The following PDXDC1 variants were observed in gnomAD, a reference collection of about 807,000 sequenced individuals.
The protein encoded by PDXDC1 is pyridoxal-dependent decarboxylase domain-containing protein 1.
PDXDC1 carries 42 observed loss-of-function variants against 100.1 expected under a neutral mutation model. That is an observed-to-expected ratio of 0.42 (90% CI 0.33 to 0.54). The LOEUF is 0.54. PDXDC1 is among the 20% of genes least tolerant of loss of function. The pLI is 0.10. For missense variants in PDXDC1, 636 were observed against 979.2 expected (o/e 0.65, Z 4.68); for synonymous variants, 260 against 371.7 (o/e 0.70, Z 3.46).
downstream of PDXDC1, chr16:15,038,481 A>C (rs2043648035): frequency 5.4e-6 from 4 of 735,234 alleles, no homozygotes; most frequent in Middle Eastern, 3.6e-4. Context: ...CCAAAGGGAA[A>C]GCAGCTATGA....
At chr16:15,050,153 G>T (rs2044240558) in intron 16 of PDXDC1, among the ~76,000 whole-genome samples, 1 of 152,166 alleles carries the variant, frequency 6.6e-6, no homozygotes, top group East Asian at 1.9e-4. Flanking sequence ...CTGAGTGTTT[G>T]TACACACTTA....
chr16:14,981,016 G>A (rs550909218), intron 1 of PDXDC1, among the ~76,000 whole-genome samples: 1 of 152,402 alleles, frequency 6.6e-6, no homozygotes, highest in African/African-American at 2.4e-5. Flanking sequence ...GTTCTGGTAA[G>A]GGAGTATACT....
intron 16 of PDXDC1, among the ~76,000 whole-genome samples, chr16:15,101,898 G>C (rs2046562395): frequency 6.6e-6 from 1 of 152,010 alleles, no homozygotes. Context: ...GCTCAGGCTG[G>C]ACTGCAATGG....
At chr16:15,030,892 C>G (rs2043012480) in intron 16 of PDXDC1, among the ~76,000 whole-genome samples, 1 of 152,084 alleles carries the variant, frequency 6.6e-6, no homozygotes, top group Non-Finnish European at 1.5e-5. Context: ...GAGCTTTACA[C>G]ACAACCAGTG....
chr16:15,028,620 CCCCTTGAAAT>C (rs2042810848), intron 14 of PDXDC1, among the ~76,000 whole-genome samples: 1 of 152,302 alleles, frequency 6.6e-6, no homozygotes, highest in African/African-American at 2.4e-5. Context: ...ATTGCTGTTT[CCCCTTGAAAT>C]CCCTTGAAAG....
downstream of PDXDC1, chr16:15,040,329 T>C: frequency 2.5e-6 from 1 of 396,960 alleles, no homozygotes; most frequent in Non-Finnish European, 4.5e-6. Flanking sequence ...GAGGCAGCCA[T>C]TCCTTCAGTC....
At chr16:15,069,594 T>C (rs2045135557) in intron 16 of PDXDC1, among the ~76,000 whole-genome samples, 1 of 152,146 alleles carries the variant, frequency 6.6e-6, no homozygotes, top group Admixed American at 6.5e-5. Flanking sequence ...AACTTTAGGG[T>C]CAGCCAAACC....
At chr16:15,045,540 G>C (rs2044024309) in intron 16 of PDXDC1, 1 of 152,136 alleles carries the variant, frequency 6.6e-6, no homozygotes, top group Non-Finnish European at 1.5e-5. Flanking sequence ...GGGAGGCAGA[G>C]GTGGAAGGAA....
chr16:14,984,495 A>ATTTTTTTT (rs1159521017), intron 1 of PDXDC1, among the ~76,000 whole-genome samples: 3 of 73,502 alleles, frequency 4.1e-5, no homozygotes, highest in African/African-American at 5.0e-5. Context: ...ATATATATAT[A>ATTTTTTTT]TTTTTTTTTT....
chr16:14,989,568 C>A (rs1376079331), intron 1 of PDXDC1: 1 of 1,611,246 alleles, frequency 6.2e-7, no homozygotes, highest in East Asian at 2.2e-5. Flanking sequence ...GACGTGGGGT[C>A]GGCCCCTGTG....
intron 1 of PDXDC1, chr16:14,989,981 G>A (rs1970367478): frequency 1.4e-5 from 21 of 1,459,796 alleles, no homozygotes; most frequent in Admixed American, 2.6e-5. Context: ...CAGACGGCTC[G>A]GTGGCGCCCG....
intron 16 of PDXDC1, chr16:15,056,018 G>A (rs1597834123): frequency 1.5e-5 from 15 of 1,021,076 alleles, no homozygotes; most frequent in Non-Finnish European, 1.6e-5. Context: ...GCGGCCCCCC[G>A]CTTTGCAGCC....
intron 16 of PDXDC1, chr16:15,125,240 G>C: frequency 3.6e-6 from 2 of 554,922 alleles, no homozygotes; most frequent in Non-Finnish European, 6.5e-6. Context: ...TGGGGGTTGT[G>C]CCGCAGATTG....
chr16:15,014,690 G>A (rs1272687273), intron 8 of PDXDC1, among the ~76,000 whole-genome samples: 5 of 152,274 alleles, frequency 3.3e-5, no homozygotes, highest in Admixed American at 6.5e-5. Flanking sequence ...TGTTGAGGCC[G>A]TTGGTGAGTG....
rs368974427 is a variant in PDXDC1, at chr16:15,030,050, G to A, written c.1393G>A (p.Ala465Thr). 32 of 1,552,820 alleles carry A rather than the reference G, an allele frequency of 2.1e-5. No homozygotes were observed. The highest frequency in any genetic ancestry group is 3.9e-5 in the Admixed American group (2 of 51,018). The stretch of plus-strand genomic sequence containing the variant: ...TTTGCGGTTCAGCCCTTTGATGACC[G>A]CAGCAGGTAAACCAGGCTTGGTGGA... ...TCLRFSPLMT[A>T]AVLGTRGEDV... Residue 465 changes from alanine (A) to threonine (T), a missense_variant, in exon 16 of 23, where the codon GCA (alanine) becomes ACA (threonine). Ala to Thr is a moderately conservative substitution (Grantham distance 58). Coordinates refer to ENST00000396410, the MANE Select transcript of PDXDC1 (RefSeq NM_015027.4).
At position 15,036,613 on chromosome 16, in the gene PDXDC1, G is replaced by A. The variant is rs755229445; in HGVS notation, c.*338G>A. 4.1e-5 allele frequency: 12 copies of A among 292,082 alleles called. No individual in the cohort carries two copies. The highest frequency in any genetic ancestry group is 6.7e-5 in the East Asian group (1 of 14,884). 18.1% of individuals were successfully genotyped at this position (292,082 alleles called of 1,614,324 possible). On this transcript the variant is annotated 3_prime_UTR_variant, in exon 23 of 23. Coordinates refer to ENST00000396410, the MANE Select transcript of PDXDC1 (RefSeq NM_015027.4). ...TAAGCCTAAGTATATGAGGTTGCCCGTGGCAACTTTTTGGTAAAACAGCTT... is the reference window on the plus strand; with the variant it reads ...TAAGCCTAAGTATATGAGGTTGCCCATGGCAACTTTTTGGTAAAACAGCTT...
chr16:15,086,386 C>T, intron 16 of PDXDC1: 1 of 1,613,716 alleles, frequency 6.2e-7, no homozygotes, highest in East Asian at 2.2e-5. Context: ...TGATAAGTTG[C>T]TCAAAGTCTT....
At chr16:15,142,463 T>C (rs986116508), downstream of PDXDC1, among the ~76,000 whole-genome samples, 6 of 151,788 alleles carry the variant, frequency 4.0e-5, no homozygotes, top group Non-Finnish European at 8.8e-5. Context: ...CCCAGGGCAG[T>C]GGAATGAAGC....
At chr16:15,051,625 C>T (rs1413485495) in intron 16 of PDXDC1, among the ~76,000 whole-genome samples, 1 of 152,090 alleles carries the variant, frequency 6.6e-6, no homozygotes, top group Non-Finnish European at 1.5e-5. Flanking sequence ...GCTGGAACCA[C>T]AGGCGCACGC....
Sources: gnomAD v4.1 joint callset for allele counts (sites outside exome capture counted in the v4.1 genomes callset) on GRCh38, gnomAD v4.1.1 for gene constraint, MANE v1.5 for transcripts, NCBI Gene and HGNC (gene_info 2026-07-23, HGNC 2026-07-21) for gene names.